Variants in TUSC3 observed in about 807,000 individuals in gnomAD.
TUSC3 encodes tumor suppressor candidate 3.
Under a neutral mutation model 44.8 loss-of-function variants are expected in TUSC3, and 45 were observed. The observed-to-expected ratio is 1.00, with a 90% CI of 0.79 to 1.29. The LOEUF (loss-of-function observed/expected upper bound fraction) is 1.29. Among genes scored for constraint, TUSC3 ranks in the 50% most tolerant of loss-of-function variants. The pLI, the probability that TUSC3 is intolerant of heterozygous loss-of-function variation, is 0.00. For missense variants in TUSC3, 519 were observed against 437.9 expected (o/e 1.19, Z -1.65); for synonymous variants, 212 against 152.9 (o/e 1.39, Z -2.85).
chr8:15,626,538 C>T (rs1401729097), intron 2 of TUSC3, among the ~76,000 whole-genome samples: 1 of 152,210 alleles, frequency 6.6e-6, no homozygotes, highest in East Asian at 1.9e-4. Flanking sequence ...AGCAACCTTG[C>T]CCTCCTGGGC....
At chr8:15,726,137 G>T (rs1289223636) in intron 6 of TUSC3, among the ~76,000 whole-genome samples, 1 of 152,132 alleles carries the variant, frequency 6.6e-6, no homozygotes, top group African/African-American at 2.4e-5. Context: ...GTACTGACTG[G>T]TGTCATCTTC....
intron 1 of TUSC3, among the ~76,000 whole-genome samples, chr8:15,454,739 C>G (rs547294575): frequency 2.9e-4 from 44 of 152,232 alleles, no homozygotes; most frequent in East Asian, 7.7e-4. Flanking sequence ...CTGGACTGCA[C>G]AAGTCTTGCA....
At chr8:15,500,184 CG>C (rs1396240019) in intron 2 of TUSC3, among the ~76,000 whole-genome samples, 1 of 152,126 alleles carries the variant, frequency 6.6e-6, no homozygotes, top group Non-Finnish European at 1.5e-5. Flanking sequence ...GAGCTGTACA[CG>C]TATCTGGTGG....
chr8:15,718,073 T>C (rs1490608773), intron 6 of TUSC3, among the ~76,000 whole-genome samples: 3 of 152,154 alleles, frequency 2.0e-5, no homozygotes, highest in South Asian at 2.1e-4. Context: ...ATGTTTGACA[T>C]AGATTGCCAA....
At chr8:15,570,314 A>T (rs1802828446) in intron 1 of TUSC3, among the ~76,000 whole-genome samples, 1 of 148,604 alleles carries the variant, frequency 6.7e-6, no homozygotes, top group South Asian at 2.1e-4. Context: ...TCTTACTGAA[A>T]CACATCTAAT....
intron 8 of TUSC3, among the ~76,000 whole-genome samples, chr8:15,746,824 G>A (rs1811438005): frequency 6.6e-6 from 1 of 152,084 alleles, no homozygotes; most frequent in African/African-American, 2.4e-5. Flanking sequence ...AAATAATTTT[G>A]TAATTAATTA....
chr8:15,504,704 G>C (rs1396612249), intron 2 of TUSC3, among the ~76,000 whole-genome samples: 1 of 142,444 alleles, frequency 7.0e-6, no homozygotes, highest in East Asian at 2.1e-4. Flanking sequence ...CCAGGCTGGA[G>C]TGCAGTGGTG....
chr8:15,829,656 G>C, the TUSC3 span, among the ~76,000 whole-genome samples: 35 of 151,860 alleles, frequency 2.3e-4, no homozygotes, highest in African/African-American at 8.4e-4. Context: ...CCTGAGTTTT[G>C]TGTCATATTT....
At chr8:15,587,079 A>G (rs930359152) in intron 1 of TUSC3, among the ~76,000 whole-genome samples, 2 of 152,110 alleles carry the variant, frequency 1.3e-5, no homozygotes, top group African/African-American at 2.4e-5. Context: ...TTTTTCTTCT[A>G]TTAAGGAAGC....
chr8:15,552,229 A>G (rs561545194), intron 1 of TUSC3, among the ~76,000 whole-genome samples: 2 of 151,966 alleles, frequency 1.3e-5, no homozygotes, highest in Non-Finnish European at 2.9e-5. Context: ...AATATGGCAC[A>G]TGTTACTGAA....
At chr8:15,692,810 G>T (rs1563176162) in intron 6 of TUSC3, among the ~76,000 whole-genome samples, 1 of 151,990 alleles carries the variant, frequency 6.6e-6, no homozygotes, top group Admixed American at 6.6e-5. Context: ...GGTTATGTCA[G>T]TCTCTTCATA....
At chr8:15,617,457 C>G (rs80184697) in intron 1 of TUSC3, among the ~76,000 whole-genome samples, 41,831 of 151,888 alleles carry the variant, frequency 0.28, 6,425 homozygotes, top group Non-Finnish European at 0.35. Context: ...GTTTAAAAAG[C>G]CACACATTAA....
At chr8:15,817,521 T>A in the TUSC3 span, among the ~76,000 whole-genome samples, 1 of 152,092 alleles carries the variant, frequency 6.6e-6, no homozygotes, top group Non-Finnish European at 1.5e-5. Flanking sequence ...GGTAATTGAA[T>A]CATGGGGGTG....
intron 6 of TUSC3, among the ~76,000 whole-genome samples, chr8:15,676,458 C>A (rs10110729): frequency 1.3e-5 from 2 of 151,972 alleles, no homozygotes; most frequent in Admixed American, 6.6e-5. Flanking sequence ...TTTGCTGTGC[C>A]AAAGCCTTTT....
chr8:15,773,668 G>GA, the TUSC3 span, among the ~76,000 whole-genome samples: 1 of 152,082 alleles, frequency 6.6e-6, no homozygotes, highest in African/African-American at 2.4e-5. Flanking sequence ...CTCACACTTT[G>GA]AAAACTTAAT....
intron 7 of TUSC3, among the ~76,000 whole-genome samples, chr8:15,735,242 A>C (rs17577852): frequency 0.02 from 2,984 of 150,432 alleles, 63 homozygotes; most frequent in Admixed American, 0.05. Flanking sequence ...GCATGAACCT[A>C]AGTAAGGGAA....
chr8:15,805,117 A>G, the TUSC3 span, among the ~76,000 whole-genome samples: 1 of 151,976 alleles, frequency 6.6e-6, no homozygotes, highest in Non-Finnish European at 1.5e-5. Context: ...CGTGTTCCTG[A>G]TTTGGTTCTG....
At chr8:15,668,093 C>A (rs1563162967) in intron 5 of TUSC3, among the ~76,000 whole-genome samples, 1 of 151,706 alleles carries the variant, frequency 6.6e-6, no homozygotes, top group Non-Finnish European at 1.5e-5. Context: ...AGTGTTCTCC[C>A]ACTGCAGTGA....
chr8:15,481,000 C>A lies in TUSC3; in HGVS notation n.92-2386C>A, dbSNP rs563269586. 2.6e-5 allele frequency among the ~76,000 whole-genome samples: 4 copies of A among 152,236 alleles called. No individual in the cohort carries two copies. In the South Asian group the frequency reaches 8.3e-4, roughly 32 times the overall value. On this transcript the variant is annotated intron_variant and non_coding_transcript_variant, in intron 1 of 5. Transcript: ENST00000503191. The stretch of plus-strand genomic sequence containing the variant: ...AGGTGGCTCACGCCTGTAATTCCAG[C>A]ACTTTGGGAGGCCAAGGTGGGCAGA...
Sources: allele counts gnomAD v4.1 joint callset (sites outside exome capture counted in the v4.1 genomes callset), GRCh38; gene constraint gnomAD v4.1.1; transcripts MANE v1.5; gene names NCBI Gene and HGNC (gene_info 2026-07-23, HGNC 2026-07-21).